The following SLC8A3 variants were observed in gnomAD, a reference collection of about 807,000 sequenced individuals.
The protein encoded by SLC8A3 is solute carrier family 8 member A3.
SLC8A3 carries 37 observed loss-of-function variants against 65.4 expected under a neutral mutation model. That is an observed-to-expected ratio of 0.57 (90% CI 0.44 to 0.74). The LOEUF (loss-of-function observed/expected upper bound fraction) is 0.74. Among genes scored for constraint, SLC8A3 ranks in the 30% least tolerant of loss-of-function variants. SLC8A3 has a pLI of 0.00. For synonymous variants in SLC8A3, 461 were observed against 444.5 expected (o/e 1.04, Z -0.47); for missense variants, 1,112 against 1,172.1 (o/e 0.95, Z 0.75).
chr14:70,094,652 G>C (rs1360874727), intron 2 of SLC8A3, among the ~76,000 whole-genome samples: 1 of 152,178 alleles, frequency 6.6e-6, no homozygotes, highest in Non-Finnish European at 1.5e-5. Context: ...GGAGGAGTGG[G>C]GTTCAGTTTG....
chr14:70,064,521 C>T (rs1003197066), intron 2 of SLC8A3, among the ~76,000 whole-genome samples: 17 of 61,666 alleles, frequency 2.8e-4, no homozygotes, highest in African/African-American at 8.1e-4. Context: ...CTATGGGAGC[C>T]GGCGGGAGGG....
chr14:70,097,296 A>AAC, intron 2 of SLC8A3, among the ~76,000 whole-genome samples: 1 of 152,242 alleles, frequency 6.6e-6, no homozygotes, highest in Middle Eastern at 3.4e-3. Context: ...TAAAAAAAAA[A>AAC]AAAAAACACC....
At chr14:70,055,900 G>A in intron 3 of SLC8A3, 1 of 1,254,836 alleles carries the variant, frequency 8.0e-7, no homozygotes, top group Non-Finnish European at 1.1e-6. Flanking sequence ...CAGGTTTTGT[G>A]GTTGCTGGCA....
In SLC8A3 at chr14:70,184,908, C is replaced by G. The variant is rs140202000; in HGVS notation, c.-63+3471G>C. Among the ~76,000 whole-genome samples the G allele has an allele frequency of 3.4e-3, 519 of 151,180 alleles. 2 individuals carry two copies. Among genetic ancestry groups the G allele is most frequent in the African/African-American group, 0.012 (496 of 41,130 alleles). On this transcript the variant is annotated intron_variant, in intron 1 of 6. Transcript: ENST00000356921. ...TGAGCCTCAGCACGTATTTGAACCT[C>G]TTAGGCAAAGCAACCAGGCTTAAGT...
chr14:70,110,685 T>A (rs1169078491), intron 2 of SLC8A3, among the ~76,000 whole-genome samples: 6 of 133,980 alleles, frequency 4.5e-5, no homozygotes, highest in Non-Finnish European at 9.1e-5. Flanking sequence ...TTTTTTTTTT[T>A]TTTTTTTTTT....
At chr14:70,164,988 A>G (rs1254956792) in intron 2 of SLC8A3, among the ~76,000 whole-genome samples, 1 of 152,206 alleles carries the variant, frequency 6.6e-6, no homozygotes, top group Admixed American at 6.5e-5. Flanking sequence ...GAGCTCTAAT[A>G]AATCAATTTG....
intron 3 of SLC8A3, chr14:70,055,955 A>G (rs1888065795): frequency 2.9e-6 from 2 of 686,104 alleles, no homozygotes; most frequent in East Asian, 5.6e-5. Context: ...CTCAGCAGCC[A>G]TACGCAAAAA....
intron 2 of SLC8A3, among the ~76,000 whole-genome samples, chr14:70,079,709 T>C (rs528322377): frequency 6.6e-6 from 1 of 152,174 alleles, no homozygotes; most frequent in East Asian, 1.9e-4. Context: ...TTTTCCTCAG[T>C]CCTTGAGAAA....
At chr14:70,164,305 A>C (rs1338427266) in intron 2 of SLC8A3, among the ~76,000 whole-genome samples, 1 of 152,198 alleles carries the variant, frequency 6.6e-6, no homozygotes, top group Admixed American at 6.5e-5. Context: ...TACTGCCTCT[A>C]GTTGTAAAAT....
chr14:70,144,220 C>T (rs1895752516), intron 2 of SLC8A3, among the ~76,000 whole-genome samples: 1 of 151,030 alleles, frequency 6.6e-6, no homozygotes, highest in Non-Finnish European at 1.5e-5. Context: ...CCGTCTGTTG[C>T]CACAGCCTCT....
chr14:70,186,452 A>G (rs1883225229), intron 1 of SLC8A3, among the ~76,000 whole-genome samples: 1 of 152,210 alleles, frequency 6.6e-6, no homozygotes, highest in Non-Finnish European at 1.5e-5. Flanking sequence ...TGAGAGCTGA[A>G]GCTTGAGTAG....
chr14:70,052,555 C>A (rs1887625768), intron 3 of SLC8A3, among the ~76,000 whole-genome samples: 1 of 152,198 alleles, frequency 6.6e-6, no homozygotes, highest in Non-Finnish European at 1.5e-5. Flanking sequence ...CTACTGGTTT[C>A]ACAGCATCTT....
intron 2 of SLC8A3, among the ~76,000 whole-genome samples, chr14:70,064,698 TC>T (rs1246729069): frequency 2.0e-5 from 3 of 152,306 alleles, no homozygotes; most frequent in Non-Finnish European, 4.4e-5. Flanking sequence ...ACTCTAGGGC[TC>T]TCAGAATCAC....
At chr14:70,179,484 G>A (rs1166036303) in intron 1 of SLC8A3, among the ~76,000 whole-genome samples, 1 of 152,160 alleles carries the variant, frequency 6.6e-6, no homozygotes, top group Non-Finnish European at 1.5e-5. Context: ...TTTTCATTAA[G>A]TGATTCTGGA....
chr14:70,064,017 G>T, intron 2 of SLC8A3: 1 of 732,860 alleles, frequency 1.4e-6, no homozygotes, highest in South Asian at 1.7e-5. Context: ...GAAGGAAACA[G>T]TTAAAAGATT....
At chr14:70,081,018 A>G (rs1187503228) in intron 2 of SLC8A3, among the ~76,000 whole-genome samples, 1 of 152,256 alleles carries the variant, frequency 6.6e-6, no homozygotes, top group African/African-American at 2.4e-5. Context: ...TGTTCTTTCC[A>G]GTATACCAAT....
chr14:70,060,964 T>C, intron 2 of SLC8A3, 25 bp from the exon 3 acceptor site: 4 of 1,079,610 alleles, frequency 3.7e-6, no homozygotes, highest in South Asian at 1.6e-5. Context: ...AGAGAGAGAG[T>C]GTGTCGACTG....
At chr14:70,109,587 T>G (rs1034338445) in intron 2 of SLC8A3, among the ~76,000 whole-genome samples, 1 of 151,950 alleles carries the variant, frequency 6.6e-6, no homozygotes, top group African/African-American at 2.4e-5. Flanking sequence ...CCCAAGGAGC[T>G]GAGACTACAG....
chr14:70,097,538 G>C (rs1892270538), intron 2 of SLC8A3, among the ~76,000 whole-genome samples: 1 of 152,166 alleles, frequency 6.6e-6, no homozygotes, highest in South Asian at 2.1e-4. Flanking sequence ...CAACCTCTCT[G>C]TGCCTCAGTT....
Sources: gnomAD v4.1 joint callset for allele counts (sites outside exome capture counted in the v4.1 genomes callset) on GRCh38, gnomAD v4.1.1 for gene constraint, MANE v1.5 for transcripts, NCBI Gene and HGNC (gene_info 2026-07-23, HGNC 2026-07-21) for gene names.